Variants in BLM observed in about 807,000 individuals in gnomAD.
BLM encodes recQ-like DNA helicase BLM.
BLM carries 95 observed loss-of-function variants against 135.3 expected under a neutral mutation model. The observed-to-expected ratio is 0.70, with a 90% CI of 0.59 to 0.83. The LOEUF (loss-of-function observed/expected upper bound fraction) is 0.83, where lower values mean the gene tolerates loss of function less well. BLM is among the 40% of genes least tolerant of loss of function. The pLI is 0.00. For synonymous variants in BLM, 520 were observed against 589.2 expected, an observed-to-expected ratio of 0.88 and a Z score of 1.70; for missense variants, 1,518 against 1,663.9, an observed-to-expected ratio of 0.91 and a Z score of 1.53.
chr15:90,732,775 C>G (rs1329177731), intron 1 of BLM, among the ~76,000 whole-genome samples: 4 of 152,012 alleles, frequency 2.6e-5, no homozygotes, highest in Admixed American at 6.6e-5. Context: ...AGTAAGAGAA[C>G]AGGAAAACAT....
intron 16 of BLM, among the ~76,000 whole-genome samples, chr15:90,795,924 G>A (rs1211950058): frequency 3.3e-5 from 5 of 152,292 alleles, no homozygotes; most frequent in African/African-American, 1.2e-4. Flanking sequence ...CTTGAAGAAG[G>A]GAGTTAGCTG....
intron 1 of BLM, among the ~76,000 whole-genome samples, chr15:90,743,472 C>A (rs761826259): frequency 6.6e-6 from 1 of 151,870 alleles, no homozygotes; most frequent in African/African-American, 2.4e-5. Flanking sequence ...TCACTAGCCT[C>A]AATTTATTTG....
chr15:90,763,356 A>G (rs1370230922), intron 8 of BLM, among the ~76,000 whole-genome samples, 199 bp downstream of exon 8: 1 of 152,148 alleles, frequency 6.6e-6, no homozygotes, highest in Non-Finnish European at 1.5e-5. Context: ...ATAGCCCTGT[A>G]AGATTTTCAA....
intron 1 of BLM, among the ~76,000 whole-genome samples, chr15:90,739,122 G>A (rs530555333): frequency 5.3e-5 from 8 of 152,262 alleles, no homozygotes; most frequent in South Asian, 2.1e-4. Context: ...GCGGCCAGGC[G>A]CGGTGGCTCA....
At chr15:90,800,552 C>G (rs1177801431) in intron 17 of BLM, among the ~76,000 whole-genome samples, 1 of 152,112 alleles carries the variant, frequency 6.6e-6, no homozygotes, top group Non-Finnish European at 1.5e-5. Context: ...TGGTGGCACA[C>G]ACCAGTAATC....
chr15:90,810,352 G>T (rs1470447301), intron 20 of BLM, among the ~76,000 whole-genome samples: 1 of 152,078 alleles, frequency 6.6e-6, no homozygotes, highest in African/African-American at 2.4e-5. Flanking sequence ...ACCACACCTG[G>T]TCAGGTTCTC....
At chr15:90,760,310 T>C (rs750865683) in intron 6 of BLM, 31 bp downstream of exon 6, 1 of 1,612,524 alleles carries the variant, frequency 6.2e-7, no homozygotes, top group South Asian at 1.1e-5. Flanking sequence ...CTGGAATATA[T>C]CTGATTATAT....
chr15:90,755,725 T>G (rs1015972548), intron 5 of BLM, among the ~76,000 whole-genome samples: 1 of 152,194 alleles, frequency 6.6e-6, no homozygotes, highest in African/African-American at 2.4e-5. Flanking sequence ...TTAATTATCT[T>G]TTCTATTTTT....
chr15:90,815,004 C>T lies in BLM; in HGVS notation c.4077-98C>T. On this transcript the variant is annotated intron_variant, in intron 21 of 21. Transcript: ENST00000355112. This position sits in a 1 kb window ranked among gnomAD's most constrained non-coding sequence, Gnocchi z 4.6. Reference sequence around the variant, plus strand: ...GAAAATGCACAAGGACACATTAGGCCCAGGGAAGTGGTATTGTAGCTCTGT... The same window carrying T: ...GAAAATGCACAAGGACACATTAGGCTCAGGGAAGTGGTATTGTAGCTCTGT... 1 of 1,263,644 alleles carries T rather than the reference C, an allele frequency of 7.9e-7. No individual in the cohort carries two copies. Among genetic ancestry groups the T allele is most frequent in the Non-Finnish European group, 1.1e-6 (1 of 881,940 alleles). 78.3% of individuals were successfully genotyped at this position (1,263,644 alleles called of 1,614,324 possible).
rs141503266 is a variant in BLM, at chr15:90,749,522, G to T, written c.254G>T (p.Arg85Met). The T allele has an allele frequency of 6.2e-7, 1 of 1,614,124 alleles. No homozygotes were observed. The highest frequency in any genetic ancestry group is 1.1e-5 in the South Asian group (1 of 91,072). ...EPLPNTTNQQ[R>M]VKDFFKNAPA... Reference sequence around the variant, plus strand: ...CTACCCAACACCACAAATCAGCAAAGGGTCAAGGACTTCTTTAAAAATGCT... The same window carrying T: ...CTACCCAACACCACAAATCAGCAAATGGTCAAGGACTTCTTTAAAAATGCT... Residue 85 changes from arginine (R) to methionine (M), a missense_variant, in exon 3 of 22, where the codon AGG becomes ATG. Coordinates refer to ENST00000355112, the MANE Select transcript of BLM (RefSeq NM_000057.4).
At chr15:90,730,681 T>C (rs763377375) in intron 1 of BLM, among the ~76,000 whole-genome samples, 36 of 151,878 alleles carry the variant, frequency 2.4e-4, no homozygotes, top group African/African-American at 8.2e-4. Flanking sequence ...CTCCTGACCT[T>C]GTGATCTGCC....
intron 20 of BLM, among the ~76,000 whole-genome samples, 188 bp from the exon 21 acceptor site, chr15:90,811,017 C>T (rs1486553215): frequency 6.6e-6 from 1 of 152,058 alleles, no homozygotes; most frequent in Non-Finnish European, 1.5e-5. Flanking sequence ...AATGAATTGC[C>T]ATTGAACACT....
chr15:90,730,920 A>G (rs1895051690), intron 1 of BLM, among the ~76,000 whole-genome samples: 1 of 150,206 alleles, frequency 6.7e-6, no homozygotes, highest in Non-Finnish European at 1.5e-5. Context: ...AGACAACACA[A>G]CTTGGTCTCG....
chr15:90,780,358 C>T (rs1896589084), intron 12 of BLM, among the ~76,000 whole-genome samples: 2 of 152,310 alleles, frequency 1.3e-5, no homozygotes, highest in South Asian at 4.1e-4. Context: ...GCTGGGATTA[C>T]AGGCGTGAGC....
At chr15:90,749,195 C>A (rs760027316) in intron 2 of BLM, among the ~76,000 whole-genome samples, 172 bp from the exon 3 acceptor site, 3 of 152,146 alleles carry the variant, frequency 2.0e-5, no homozygotes, top group Non-Finnish European at 2.9e-5. Flanking sequence ...GACCAGAGAA[C>A]GAATACAATT....
intron 1 of BLM, among the ~76,000 whole-genome samples, chr15:90,736,491 G>A (rs998427157): frequency 6.6e-6 from 1 of 152,078 alleles, no homozygotes; most frequent in Non-Finnish European, 1.5e-5. Context: ...TGAACTCCTG[G>A]ACTCAAGCAA....
chr15:90,789,207 A>G (rs1367118141), intron 14 of BLM, among the ~76,000 whole-genome samples: 1 of 152,246 alleles, frequency 6.6e-6, no homozygotes, highest in African/African-American at 2.4e-5. Context: ...TTCATGAGAT[A>G]GAATAAAACT....
intron 5 of BLM, among the ~76,000 whole-genome samples, chr15:90,759,072 C>T (rs1895891641): frequency 6.6e-6 from 1 of 152,110 alleles, no homozygotes; most frequent in African/African-American, 2.4e-5. Context: ...TTGTTCCAGC[C>T]AATGACCTTG....
chr15:90,743,005 T>TC (rs1228838090), intron 1 of BLM, among the ~76,000 whole-genome samples: 4 of 151,812 alleles, frequency 2.6e-5, no homozygotes, highest in Admixed American at 6.6e-5. Context: ...TGACTTTTTT[T>TC]TTTTTTTTTT....
Sources: allele counts gnomAD v4.1 joint callset (sites outside exome capture counted in the v4.1 genomes callset), GRCh38; gene constraint gnomAD v4.1.1; non-coding constraint Gnocchi (gnomAD v3.1); transcripts MANE v1.5; gene names NCBI Gene and HGNC (gene_info 2026-07-23, HGNC 2026-07-21).